The following GPHN variants were observed in gnomAD, a reference collection of about 807,000 sequenced individuals.
GPHN encodes the protein gephyrin.
Under a neutral mutation model 95.5 loss-of-function variants are expected in GPHN, and 17 were observed. The observed-to-expected ratio is 0.18, with a 90% confidence interval of 0.12 to 0.27. GPHN has a LOEUF of 0.27. GPHN is among the 10% of genes least tolerant of loss of function. The probability of loss-of-function intolerance (pLI) is 1.00; values close to 1 mark genes in which losing one functional copy is unlikely to be tolerated. For synonymous variants in GPHN, 320 were observed against 322.5 expected (o/e 0.99, Z 0.08); for missense variants, 660 against 978.1 (o/e 0.67, Z 4.34).
At chr14:67,193,860 A>C in the GPHN span, among the ~76,000 whole-genome samples, 1 of 147,730 alleles carries the variant, frequency 6.8e-6, no homozygotes, top group Non-Finnish European at 1.5e-5. Flanking sequence ...TGAGAGGATC[A>C]CTTGGGCTGG....
rs573222331 is a variant in GPHN, at chr14:66,695,031, C to T, written c.143+13846C>T. Among the ~76,000 whole-genome samples, 28 of 151,998 alleles carry T rather than the reference C, an allele frequency of 1.8e-4. No homozygotes were observed. The South Asian group carries it at 3.3e-3, about 18-fold the overall frequency. On this transcript the variant is annotated intron_variant, in intron 2 of 22. Transcript: ENST00000478722. ...AAAATTAGCCATGCGCGGTGGTGCA[C>T]GACTGTAATCCCAACTACTCAGGAG...
the GPHN span, among the ~76,000 whole-genome samples, chr14:67,497,958 G>A: frequency 6.6e-6 from 1 of 151,958 alleles, no homozygotes; most frequent in African/African-American, 2.4e-5. Flanking sequence ...TATTGCTGGG[G>A]CTCAGAAACC....
chr14:66,932,880 C>T (rs1479723054), intron 8 of GPHN, among the ~76,000 whole-genome samples: 2 of 151,982 alleles, frequency 1.3e-5, no homozygotes, highest in East Asian at 3.9e-4. Context: ...TTTCAGTTCT[C>T]CCAAGGATTG....
At chr14:67,081,895 G>A (rs1010722271) in intron 11 of GPHN, among the ~76,000 whole-genome samples, 2 of 152,106 alleles carry the variant, frequency 1.3e-5, no homozygotes, top group Non-Finnish European at 2.9e-5. Context: ...CTTTGTCAAC[G>A]ATCAGTTGGC....
intron 2 of GPHN, among the ~76,000 whole-genome samples, chr14:66,689,658 A>G (rs2067645300): frequency 6.6e-6 from 1 of 152,192 alleles, no homozygotes; most frequent in Non-Finnish European, 1.5e-5. Context: ...ATAGAATTCA[A>G]CAGTGAAGCC....
chr14:67,110,316 A>G (rs1595179792), intron 14 of GPHN, 57 bp downstream of exon 14: 1 of 1,593,194 alleles, frequency 6.3e-7, no homozygotes, highest in Middle Eastern at 1.7e-4. Context: ...TTATGTCACA[A>G]CCATTTTCTG....
intron 3 of GPHN, among the ~76,000 whole-genome samples, chr14:66,802,402 A>G (rs746802598): frequency 6.6e-6 from 1 of 152,110 alleles, no homozygotes; most frequent in Admixed American, 6.5e-5. Flanking sequence ...CCAGAATGTC[A>G]TCCAAGAGGC....
chr14:67,723,158 C>T, the GPHN span, among the ~76,000 whole-genome samples: 2 of 152,170 alleles, frequency 1.3e-5, no homozygotes, highest in African/African-American at 4.8e-5. Flanking sequence ...TGAGACTACC[C>T]TCAATTAATG....
At chr14:67,393,353 A>G in the GPHN span, 2,174 of 774,684 alleles carry the variant, frequency 2.8e-3, 26 homozygotes, top group African/African-American at 0.025. Context: ...GGTGTGACAC[A>G]CATCACAAAG....
chr14:67,561,647 C>T, the GPHN span, among the ~76,000 whole-genome samples: 1 of 152,146 alleles, frequency 6.6e-6, no homozygotes, highest in East Asian at 1.9e-4. Flanking sequence ...GTGGGCAGAT[C>T]GTTTGAGTCC....
At chr14:66,777,427 TA>T (rs2059424556) in intron 3 of GPHN, among the ~76,000 whole-genome samples, 1 of 152,178 alleles carries the variant, frequency 6.6e-6, no homozygotes, top group African/African-American at 2.4e-5. Context: ...CTTCTGAAAC[TA>T]TCCCAATCAA....
At chr14:67,575,734 C>G in the GPHN span, 1 of 987,472 alleles carries the variant, frequency 1.0e-6, no homozygotes, top group Non-Finnish European at 1.5e-6. Flanking sequence ...ATCCACGATT[C>G]CCAGCTTCAC....
chr14:66,958,174 AT>A (rs1057052206), intron 8 of GPHN, among the ~76,000 whole-genome samples: 1 of 151,922 alleles, frequency 6.6e-6, no homozygotes, highest in African/African-American at 2.4e-5. Flanking sequence ...TGCTTTATGT[AT>A]TTTTTTAATA....
chr14:67,332,106 TAA>T, the GPHN span, among the ~76,000 whole-genome samples: 96 of 152,364 alleles, frequency 6.3e-4, no homozygotes, highest in African/African-American at 2.2e-3. Context: ...GTCTTGAGTT[TAA>T]GTTAGTTGTC....
intron 12 of GPHN, among the ~76,000 whole-genome samples, chr14:67,100,518 G>T (rs548757389): frequency 1.3e-5 from 2 of 152,210 alleles, no homozygotes; most frequent in Admixed American, 1.3e-4. Context: ...GGATAAGGTG[G>T]CATTTATTTA....
the GPHN span, chr14:67,562,928 A>C: frequency 6.3e-7 from 1 of 1,592,090 alleles, no homozygotes; most frequent in Non-Finnish European, 8.5e-7. Flanking sequence ...GCAGAGGAGC[A>C]GAGCTAATGG....
the GPHN span, among the ~76,000 whole-genome samples, chr14:67,355,241 G>A: frequency 6.6e-6 from 1 of 151,830 alleles, no homozygotes; most frequent in African/African-American, 2.4e-5. Context: ...GGTAACAAAT[G>A]ACATACGTAA....
the GPHN span, among the ~76,000 whole-genome samples, chr14:67,553,797 G>A: frequency 1.3e-5 from 2 of 152,150 alleles, no homozygotes; most frequent in Non-Finnish European, 2.9e-5. Flanking sequence ...ACAGGCCTGA[G>A]GACTGTTTGA....
chr14:67,421,872 C>A, the GPHN span, among the ~76,000 whole-genome samples: 1 of 152,194 alleles, frequency 6.6e-6, no homozygotes. Context: ...GGCTGTCCAT[C>A]TCCCGCAGCT....
Sources: allele counts gnomAD v4.1 joint callset (sites outside exome capture counted in the v4.1 genomes callset), GRCh38; gene constraint gnomAD v4.1.1; transcripts MANE v1.5; gene names NCBI Gene and HGNC (gene_info 2026-07-23, HGNC 2026-07-21).